Variants in BAG1 observed in about 807,000 individuals in gnomAD.
The protein encoded by BAG1 is BAG family molecular chaperone regulator 1.
BAG1 carries 35 observed loss-of-function variants against 35.5 expected under a neutral mutation model. The ratio of observed to expected loss-of-function variants is 0.99; its 90% CI spans 0.75 to 1.31. The LOEUF is 1.31. Among genes scored for constraint, BAG1 ranks in the 50% most tolerant of loss-of-function variants. The probability of loss-of-function intolerance (pLI) is 0.00; values close to 1 mark genes in which losing one functional copy is unlikely to be tolerated. For synonymous variants in BAG1, 191 were observed against 178.9 expected (o/e 1.07, Z -0.54); for missense variants, 464 against 453.6 (o/e 1.02, Z -0.21).
chr9:33,258,810 C>A, intron 4 of BAG1, 110 bp downstream of exon 4: 2 of 818,100 alleles, frequency 2.4e-6, no homozygotes, highest in South Asian at 1.7e-5. Context: ...AGGGTGAATC[C>A]AGGATCTGAA....
In BAG1 at chr9:33,264,120, G is replaced by C. The variant is rs766041867; in HGVS notation, c.451+104C>G. 3.7e-5 allele frequency: 51 copies of C among 1,367,324 alleles called. No homozygotes were observed. In the Middle Eastern group the frequency reaches 6.9e-4, roughly 18 times the overall value. The allele number at this position is 1,367,324 out of a possible 1,614,324, so 84.7% of individuals were successfully genotyped here. The stretch of plus-strand genomic sequence containing the variant: ...AATAACCCACGCTTCCGGACGCCAG[G>C]ACAAGCGCAAGGTCACACGCTTCTG... On this transcript the variant is annotated intron_variant, in intron 1 of 6. Transcript: ENST00000634734.
chr9:33,263,685 T>C (rs1283213196), intron 1 of BAG1, among the ~76,000 whole-genome samples: 3 of 152,166 alleles, frequency 2.0e-5, no homozygotes, highest in Non-Finnish European at 4.4e-5. Context: ...TAGCTGGTTC[T>C]AGAGAAACCT....
In BAG1 at chr9:33,264,471, G is replaced by A. The variant is rs1458432267; in HGVS notation, c.204C>T (p.Arg68=). Residue 68 remains arginine, a synonymous_variant, in exon 1 of 7, where the codon CGC becomes CGT. Transcript: ENST00000634734. Reference sequence around the variant, plus strand: ...GGGTTTTCTTCTTCATCCGCGGCCTGCGAGCGCCGGCGGCGGCGCCCCTGG... The same window carrying A: ...GGGTTTTCTTCTTCATCCGCGGCCTACGAGCGCCGGCGGCGGCGCCCCTGG... The A allele has an allele frequency of 7.4e-6, 12 of 1,612,202 alleles. No homozygotes were observed. Among genetic ancestry groups the A allele is most frequent in the Non-Finnish European group, 1.0e-5 (12 of 1,179,506 alleles).
In BAG1 at chr9:33,254,909, G is replaced by C; in HGVS notation, c.*310C>G. 1.1e-6 allele frequency: 1 copy of C among 949,904 alleles called. No individual in the cohort carries two copies. The highest frequency in any genetic ancestry group is 1.4e-6 in the Non-Finnish European group (1 of 692,378). 58.8% of individuals were successfully genotyped at this position (949,904 alleles called of 1,614,324 possible). Reference sequence around the variant, plus strand: ...TGAAACTGGCCCAAGGCAAATTAGAGCTCTCACCAGCCCAAAGAAAGCACC... The same window carrying C: ...TGAAACTGGCCCAAGGCAAATTAGACCTCTCACCAGCCCAAAGAAAGCACC... On this transcript the variant is annotated 3_prime_UTR_variant, in exon 7 of 7. Coordinates refer to ENST00000634734, the MANE Select transcript of BAG1 (RefSeq NM_004323.6).
intron 2 of BAG1, chr9:33,262,152 T>C (rs1414507230): frequency 7.8e-7 from 1 of 1,289,794 alleles, no homozygotes; most frequent in African/African-American, 1.5e-5. Flanking sequence ...TGGTGAGATT[T>C]CTGCCATCAT....
chr9:33,255,163 A>C lies in BAG1; in HGVS notation c.*56T>G. ...AAATCAGGTAAATTCCGCTCCAGAG[A>C]CGGCAGAGCTGGTGGCGCCATTCTT... is the stretch of plus-strand genomic sequence containing the variant. On this transcript the variant is annotated 3_prime_UTR_variant, in exon 7 of 7. Transcript: ENST00000634734. The C allele has an allele frequency of 6.2e-7, 1 of 1,614,164 alleles. No homozygotes were observed. The highest frequency in any genetic ancestry group is 1.7e-5 in the Admixed American group (1 of 60,022).
intron 2 of BAG1, chr9:33,261,820 G>T: frequency 1.1e-6 from 1 of 929,976 alleles, no homozygotes; most frequent in Non-Finnish European, 1.3e-6. Context: ...AAGACAGAGG[G>T]CAGGGGCCAG....
chr9:33,256,785 C>G lies in BAG1; in HGVS notation c.885+16G>C, dbSNP rs1318493817. The G allele has an allele frequency of 6.3e-7, 1 of 1,595,402 alleles. No individual in the cohort carries two copies. The highest frequency in any genetic ancestry group is 1.1e-5 in the South Asian group (1 of 90,218). ...GTCAAAGAAAACTAGTTCTTCTCAGCTGAATATTTACTTACCAGTGTGTCA... is the reference window on the plus strand; with the variant it reads ...GTCAAAGAAAACTAGTTCTTCTCAGGTGAATATTTACTTACCAGTGTGTCA... On this transcript the variant is annotated intron_variant, in intron 5 of 6. Coordinates refer to ENST00000634734, the MANE Select transcript of BAG1 (RefSeq NM_004323.6).
intron 1 of BAG1, 59 bp from the exon 2 acceptor site, chr9:33,262,889 T>C: frequency 6.3e-7 from 1 of 1,593,594 alleles, no homozygotes; most frequent in Non-Finnish European, 8.6e-7. Context: ...CAATATAGGA[T>C]GACACTTTAT....
Position 33,252,511 on chromosome 9 carries a change from G to A in BAG1, c.*2708C>T, listed in dbSNP as rs987071303. The A allele has an allele frequency of 2.0e-5, 3 of 150,538 alleles. No homozygotes were observed. The highest frequency in any genetic ancestry group is 1.3e-4 in the Admixed American group (2 of 15,092). The allele number at this position is 150,538 out of a possible 1,614,324, so 9.3% of individuals were successfully genotyped here. A position where few individuals can be genotyped will look rare whatever the true frequency, so the allele number is the denominator to read the frequency against. The stretch of plus-strand genomic sequence containing the variant: ...TTTATTGAGGTCTTACTATATACAA[G>A]ACTATATAACAAGTTATGCTTGTTA... On this transcript the variant is annotated 3_prime_UTR_variant, in exon 7 of 7. Transcript: ENST00000634734.
chr9:33,261,374 A>G (rs563989209), intron 2 of BAG1, among the ~76,000 whole-genome samples: 2 of 152,368 alleles, frequency 1.3e-5, no homozygotes, highest in African/African-American at 4.8e-5. Context: ...CTACTATACG[A>G]TAATATTCAG....
rs1420382762 is a variant in BAG1, at chr9:33,255,079, G to C, written c.*140C>G. 1.9e-6 allele frequency: 3 copies of C among 1,588,266 alleles called. No individual in the cohort carries two copies. In the African/African-American group the frequency reaches 4.0e-5, roughly 21 times the overall value. ...TCACAAAGACACTATTTTTCATTGA[G>C]AACCAGTGTGAGAGTAGGAAAATTG... is the stretch of plus-strand genomic sequence containing the variant. On this transcript the variant is annotated 3_prime_UTR_variant, in exon 7 of 7. Coordinates refer to ENST00000634734, the MANE Select transcript of BAG1 (RefSeq NM_004323.6).
chr9:33,264,264 C>T lies in BAG1; in HGVS notation c.411G>A (p.Glu137=), dbSNP rs762028036. ...CGGTGAGCCCAGCTGCCGCCATTTC[C>T]TCCCTGGTCACCTCCTCGCTCCGGG... is the stretch of plus-strand genomic sequence containing the variant. The change falls in exon 1 of 7, where the codon GAG becomes GAA. Residue 137 remains glutamate (E), a synonymous_variant. Transcript: ENST00000634734. 2 of 1,613,306 alleles carry T rather than the reference C, an allele frequency of 1.2e-6. No individual in the cohort carries two copies.
At chr9:33,256,698 G>C (rs544407317) in intron 5 of BAG1, 103 bp downstream of exon 5, 1 of 924,516 alleles carries the variant, frequency 1.1e-6, no homozygotes, top group African/African-American at 1.6e-5. Context: ...ATTCTCAAGT[G>C]ATGGGTTTGC....
rs765908626 is a variant in BAG1 at position 33,262,701 on chromosome 9, C to T, written c.580+1G>A. The T allele has an allele frequency of 3.8e-6, 6 of 1,586,690 alleles. No homozygotes were observed. The Admixed American group carries it at 1.1e-4, about 30-fold the overall frequency. On this transcript the variant is annotated splice_donor_variant, in intron 2 of 6. Coordinates refer to ENST00000634734, the MANE Select transcript of BAG1 (RefSeq NM_004323.6). LOFTEE classifies it high-confidence loss of function. ...AGAAAGAAAGAAAAAGAAATGCTTA[C>T]CCTTAAATATGAGTTTCTGAAAAGA...
intron 2 of BAG1, chr9:33,261,981 T>G (rs1011739080): frequency 8.4e-7 from 1 of 1,184,704 alleles, no homozygotes; most frequent in African/African-American, 1.6e-5. Context: ...CGGAGGCTGT[T>G]ATTTTAACAG....
Position 33,254,754 on chromosome 9 carries a change from T to C in BAG1, c.*465A>G. Reference sequence around the variant, plus strand: ...TCTACTTATGTGCCAAACACCTTGTTCTAGGCCATTCCCAATATTCCTGAC... The same window carrying C: ...TCTACTTATGTGCCAAACACCTTGTCCTAGGCCATTCCCAATATTCCTGAC... On this transcript the variant is annotated 3_prime_UTR_variant, in exon 7 of 7. Transcript: ENST00000634734. 1 of 320,612 alleles carries C rather than the reference T, an allele frequency of 3.1e-6. No individual in the cohort carries two copies. Among genetic ancestry groups the C allele is most frequent in the South Asian group, 2.6e-5 (1 of 37,986 alleles). The allele number at this position is 320,612 out of a possible 1,614,324, so 19.9% of individuals were successfully genotyped here.
At chr9:33,259,361 CAA>C (rs796698504) in intron 3 of BAG1, 24 of 134,502 alleles carry the variant, frequency 1.8e-4, no homozygotes, top group South Asian at 4.6e-4. Context: ...GAGACTGTCT[CAA>C]AAAAAAAAAA....
chr9:33,256,721 A>C (rs1361256547), intron 5 of BAG1, 80 bp downstream of exon 5: 2 of 1,177,968 alleles, frequency 1.7e-6, no homozygotes, highest in Admixed American at 1.8e-5. Flanking sequence ...AGGCAATAGG[A>C]GAGTAAATTA....
Sources: allele counts gnomAD v4.1 joint callset (sites outside exome capture counted in the v4.1 genomes callset), GRCh38; gene constraint gnomAD v4.1.1; transcripts MANE v1.5; gene names NCBI Gene and HGNC (gene_info 2026-07-23, HGNC 2026-07-21).